PCDHGC3: variants seen among roughly 807,000 people sequenced by gnomAD.
PCDHGC3 encodes the protein protocadherin gamma-C3.
A neutral mutation model predicts 59.2 loss-of-function variants in PCDHGC3; 26 were observed. The observed-to-expected ratio is 0.44, with a 90% CI of 0.32 to 0.61. The LOEUF is 0.61. PCDHGC3 is among the 20% of genes least tolerant of loss of function. The pLI, the probability that PCDHGC3 is intolerant of heterozygous loss-of-function variation, is 0.05. For synonymous variants in PCDHGC3, 487 were observed against 519.7 expected (o/e 0.94, Z 0.86); for missense variants, 1,080 against 1,221.8 (o/e 0.88, Z 1.73).
At chr5:141,506,787 G>A (rs55775963) in intron 3 of PCDHGC3, among the ~76,000 whole-genome samples, 1,925 of 152,270 alleles carry the variant, frequency 0.013, 43 homozygotes, top group African/African-American at 0.044. Flanking sequence ...CTTATAAGGA[G>A]GCTGGCAGAG....
chr5:141,477,212 C>T lies in PCDHGC3; in HGVS notation c.1096C>T (p.Pro366Ser), dbSNP rs1488282405. The change falls in exon 1 of 4, where the codon CCT (proline) becomes TCT (serine). Residue 366 changes from proline (P) to serine (S), a missense_variant. Physicochemically the swap from Pro to Ser is moderately conservative, Grantham distance 74. Coordinates refer to ENST00000308177, the MANE Select transcript of PCDHGC3 (RefSeq NM_002588.4). This position sits in a 1 kb window ranked among gnomAD's most constrained non-coding sequence, Gnocchi z 4.9. ...GTACAGCCCAGTACCCGAGGATGCC[C>T]CTCTGGGGACTGTCATCGCTTTGCT... ...SVYSPVPEDA[P>S]LGTVIALLSV... is the part of the protein sequence containing the mutation. 11 of 1,614,048 alleles carry T rather than the reference C, an allele frequency of 6.8e-6. No individual in the cohort carries two copies. The highest frequency in any genetic ancestry group is 1.3e-5 in the African/African-American group (1 of 74,918).
At chr5:141,504,206 A>G (rs1209911822) in intron 2 of PCDHGC3, among the ~76,000 whole-genome samples, 1 of 152,218 alleles carries the variant, frequency 6.6e-6, no homozygotes, top group African/African-American at 2.4e-5. Flanking sequence ...CTGTGGGAAA[A>G]TTCCAAGTAG....
At position 141,489,985 on chromosome 5, in the gene PCDHGC3, G is replaced by C. The variant is rs761481986; in HGVS notation, c.2431-4822G>C. ...AACCTTCCAATCCTCAGTTCTACGT[G>C]TGGGAATCCCAGAGAATGCACCCAT... On this transcript the variant is annotated intron_variant, in intron 1 of 3. Coordinates refer to ENST00000308177, the MANE Select transcript of PCDHGC3 (RefSeq NM_002588.4). This position sits in a 1 kb window ranked among gnomAD's most constrained non-coding sequence, Gnocchi z 4.5. 3 of 1,614,212 alleles carry C rather than the reference G, an allele frequency of 1.9e-6. No individual in the cohort carries two copies. The East Asian group carries it at 6.7e-5, about 36-fold the overall frequency.
At position 141,490,597 on chromosome 5, in the gene PCDHGC3, C is replaced by G. The variant is rs781077720; in HGVS notation, c.2431-4210C>G. 1 of 1,614,182 alleles carries G rather than the reference C, an allele frequency of 6.2e-7. No homozygotes were observed. On this transcript the variant is annotated intron_variant, in intron 1 of 3. Transcript: ENST00000308177. This position sits in a 1 kb window ranked among gnomAD's most constrained non-coding sequence, Gnocchi z 5.4. ...TTCAGATGTCAATGACAATGCACCC[C>G]GCTTCAACCAGCAGCTTTACACTGC...
Position 141,477,128 on chromosome 5 carries a change from G to C in PCDHGC3, c.1012G>C (p.Val338Leu). Residue 338 changes from valine to leucine, a missense_variant, in exon 1 of 4, where the codon GTG (valine) becomes CTG (leucine). Physicochemically the swap from Val to Leu is conservative, Grantham distance 32. Transcript: ENST00000308177. The surrounding 1 kb of genome is among the most constrained non-coding windows in gnomAD (Gnocchi z 4.9). Reference protein sequence around the residue: ...GANPEGAHCKVLVEVVDVNDN... With the variant: ...GANPEGAHCKLLVEVVDVNDN... ...CAATCCCGAAGGAGCACATTGCAAA[G>C]TGTTGGTGGAGGTTGTGGATGTGAA... 1.9e-6 allele frequency: 3 copies of C among 1,614,250 alleles called. No homozygotes were observed. The highest frequency in any genetic ancestry group is 2.5e-6 in the Non-Finnish European group (3 of 1,180,046).
rs1223618064 is a variant in PCDHGC3 at position 141,512,867 on chromosome 5, C to T, written c.*1694C>T. On this transcript the variant is annotated 3_prime_UTR_variant, in exon 4 of 4. Transcript: ENST00000308177. The stretch of plus-strand genomic sequence containing the variant: ...ATAAGCGCTTCTCTTCGCATAGTCA[C>T]GTAGCTCCCACCCCACCCTCTTCCT... 1 of 152,184 alleles carries T rather than the reference C, an allele frequency of 6.6e-6. No homozygotes were observed. The highest frequency in any genetic ancestry group is 1.5e-5 in the Non-Finnish European group (1 of 68,056). The allele number at this position is 152,184 out of a possible 1,614,324, so 9.4% of individuals were successfully genotyped here. A position where few individuals can be genotyped will look rare whatever the true frequency, so the allele number is the denominator to read the frequency against.
chr5:141,494,678 G>A, intron 1 of PCDHGC3, 129 bp from the exon 2 acceptor site: 1 of 1,554,384 alleles, frequency 6.4e-7, no homozygotes, highest in Non-Finnish European at 8.7e-7. Flanking sequence ...GTCCACCCCT[G>A]CCCCCTCTTA....
At position 141,485,342 on chromosome 5, in the gene PCDHGC3, G is replaced by A; in HGVS notation, c.2430+6796G>A. On this transcript the variant is annotated intron_variant, in intron 1 of 3. Coordinates refer to ENST00000308177, the MANE Select transcript of PCDHGC3 (RefSeq NM_002588.4). The surrounding 1 kb of genome is among the most constrained non-coding windows in gnomAD (Gnocchi z 5.7). ...CGCTCAAGATTTCCTGCTGGATACG[G>A]ACAGTCTGTCAGCTCGCAGGCTGCA... 1 of 1,614,164 alleles carries A rather than the reference G, an allele frequency of 6.2e-7. No homozygotes were observed. The highest frequency in any genetic ancestry group is 8.5e-7 in the Non-Finnish European group (1 of 1,180,026).
rs2099613082 is a variant in PCDHGC3, at chr5:141,485,421, C to T, written c.2430+6875C>T. ...TTCCGTGTGGATTTGGACAGCGGAG[C>T]CCTGCTCATCAAGAACCCAATCGAC... On this transcript the variant is annotated intron_variant, in intron 1 of 3. Coordinates refer to ENST00000308177, the MANE Select transcript of PCDHGC3 (RefSeq NM_002588.4). The surrounding 1 kb of genome is among the most constrained non-coding windows in gnomAD (Gnocchi z 5.7). The T allele has an allele frequency of 6.2e-7, 1 of 1,614,112 alleles. No individual in the cohort carries two copies. Among genetic ancestry groups the T allele is most frequent in the Non-Finnish European group, 8.5e-7 (1 of 1,180,010 alleles).
intron 1 of PCDHGC3, among the ~76,000 whole-genome samples, chr5:141,483,755 G>A (rs2099586573): frequency 6.6e-6 from 1 of 152,130 alleles, no homozygotes. Flanking sequence ...TGAGGATCGA[G>A]GCTTGGAAAA....
At position 141,502,866 on chromosome 5, in the gene PCDHGC3, C is replaced by CTTTTTTTTTTT. The variant is rs549047197; in HGVS notation, c.2490-2523_2490-2513dup. Among the ~76,000 whole-genome samples the CTTTTTTTTTTT allele has an allele frequency of 4.4e-4, 56 of 128,014 alleles. 1 individual carries two copies. The highest frequency in any genetic ancestry group is 5.1e-4 in the Non-Finnish European group (32 of 62,412). The allele number at this position is 128,014 out of a possible 152,430, so 84.0% of individuals were successfully genotyped here. ...GAGCTGCCTAACCCTGACTCTCTGTCTTTTTTTTTTTTTTGACAGGGAGTC... is the reference window on the plus strand; with the variant it reads ...GAGCTGCCTAACCCTGACTCTCTGTCTTTTTTTTTTTTTTTTTTTTTTTTTGACAGGGAGTC... On this transcript the variant is annotated intron_variant, in intron 2 of 3. Coordinates refer to ENST00000308177, the MANE Select transcript of PCDHGC3 (RefSeq NM_002588.4).
At position 141,512,280 on chromosome 5, in the gene PCDHGC3, TGGAAGGGTCAGC is replaced by T. The variant is rs1187119941; in HGVS notation, c.*1111_*1122del. The T allele has an allele frequency of 1.3e-5, 2 of 152,682 alleles. No individual in the cohort carries two copies. Among genetic ancestry groups the T allele is most frequent in the African/African-American group, 2.4e-5 (1 of 41,396 alleles). 9.5% of individuals were successfully genotyped at this position (152,682 alleles called of 1,614,324 possible). ...CTGGGTACTCCAGAGGTGCCACTGGTGGAAGGGTCAGCGGAGCCCCAGCAGGAAGGGTGGGCC... is the reference window on the plus strand; with the variant it reads ...CTGGGTACTCCAGAGGTGCCACTGGTGGAGCCCCAGCAGGAAGGGTGGGCC... On this transcript the variant is annotated 3_prime_UTR_variant, in exon 4 of 4. Transcript: ENST00000308177.
In PCDHGC3 at chr5:141,490,594, C is replaced by A. The variant is rs1276468877; in HGVS notation, c.2431-4213C>A. The A allele has an allele frequency of 2.5e-6, 4 of 1,614,056 alleles. No individual in the cohort carries two copies. The highest frequency in any genetic ancestry group is 1.6e-4 in the Middle Eastern group (1 of 6,084). On this transcript the variant is annotated intron_variant, in intron 1 of 3. Transcript: ENST00000308177. The surrounding 1 kb of genome is among the most constrained non-coding windows in gnomAD (Gnocchi z 5.4). ...CATTTCAGATGTCAATGACAATGCA[C>A]CCCGCTTCAACCAGCAGCTTTACAC...
intron 3 of PCDHGC3, among the ~76,000 whole-genome samples, chr5:141,508,629 T>C (rs934648689): frequency 6.6e-6 from 1 of 152,054 alleles, no homozygotes; most frequent in Non-Finnish European, 1.5e-5. Context: ...GGGCCGAGCT[T>C]CTAGCTACTC....
intron 2 of PCDHGC3, 62 bp downstream of exon 2, chr5:141,494,927 G>C: frequency 6.2e-7 from 1 of 1,613,516 alleles, no homozygotes; most frequent in Non-Finnish European, 8.5e-7. Context: ...GATGACGTGG[G>C]AGGAGATGGG....
At chr5:141,510,917 C>A in intron 3 of PCDHGC3, 30 bp from the exon 4 acceptor site, 2 of 1,613,854 alleles carry the variant, frequency 1.2e-6, no homozygotes, top group Non-Finnish European at 8.5e-7. Flanking sequence ...CTAAGTTTAG[C>A]TCCCACCTGA....
At chr5:141,499,013 GA>G (rs2099788463) in intron 2 of PCDHGC3, among the ~76,000 whole-genome samples, 1 of 144,746 alleles carries the variant, frequency 6.9e-6, no homozygotes, top group Non-Finnish European at 1.5e-5. Context: ...AGGAAGGAAG[GA>G]AGGAAGGAAG....
At chr5:141,501,013 C>T (rs1456343329) in intron 2 of PCDHGC3, among the ~76,000 whole-genome samples, 2 of 151,970 alleles carry the variant, frequency 1.3e-5, no homozygotes, top group Non-Finnish European at 2.9e-5. Context: ...GGACTACAGG[C>T]ACGCGCCACC....
At chr5:141,482,513 A>C (rs552094845) in intron 1 of PCDHGC3, among the ~76,000 whole-genome samples, 1 of 143,798 alleles carries the variant, frequency 7.0e-6, no homozygotes, top group East Asian at 2.1e-4. Flanking sequence ...CCCAGAGTAC[A>C]GTATGAGACA....
Sources: gnomAD v4.1 joint callset for allele counts (sites outside exome capture counted in the v4.1 genomes callset) on GRCh38, gnomAD v4.1.1 for gene constraint, Gnocchi (gnomAD v3.1) non-coding constraint, MANE v1.5 for transcripts, NCBI Gene and HGNC (gene_info 2026-07-23, HGNC 2026-07-21) for gene names.